CDK14: variants seen among roughly 807,000 people sequenced by gnomAD.
CDK14 encodes cyclin-dependent kinase 14.
In CDK14, 34 loss-of-function variants were observed where a neutral mutation model predicts 60.7. The ratio of observed to expected loss-of-function variants is 0.56; its 90% confidence interval spans 0.43 to 0.75. CDK14 has a LOEUF of 0.75. CDK14 is among the 30% of genes least tolerant of loss of function. The pLI is 0.00. For synonymous variants in CDK14, 197 were observed against 203.7 expected (o/e 0.97, Z 0.28); for missense variants, 482 against 564.1 (o/e 0.85, Z 1.47).
At chr7:91,157,827 C>G (rs1801029515) in intron 14 of CDK14, among the ~76,000 whole-genome samples, 1 of 152,100 alleles carries the variant, frequency 6.6e-6, no homozygotes, top group Non-Finnish European at 1.5e-5. Flanking sequence ...TAATTCCTAG[C>G]ATATAATGAA....
chr7:91,127,915 T>A (rs1007030696), intron 14 of CDK14, among the ~76,000 whole-genome samples: 2 of 152,196 alleles, frequency 1.3e-5, no homozygotes, highest in African/African-American at 4.8e-5. Context: ...TTCCAGTATT[T>A]TTACAATGTA....
chr7:90,813,076 A>G (rs1037556793), intron 5 of CDK14, among the ~76,000 whole-genome samples: 2 of 152,254 alleles, frequency 1.3e-5, no homozygotes, highest in African/African-American at 4.8e-5. Context: ...CAGCAGTAAA[A>G]AGGAGCTAAC....
rs969709914 is a variant in CDK14, at chr7:90,774,534, T to A, written c.465-16039T>A. On this transcript the variant is annotated intron_variant, in intron 4 of 14. Transcript: ENST00000380050. ...TTTTGGCTTTTCTTGATATTATTTT[T>A]AATTTCATTTTGAATATATTCAATG... Among the ~76,000 whole-genome samples, 3 of 152,242 alleles carry A rather than the reference T, an allele frequency of 2.0e-5. No homozygotes were observed. The South Asian group carries it at 6.2e-4, about 32-fold the overall frequency.
chr7:91,065,989 GA>G (rs1383649775), intron 11 of CDK14, among the ~76,000 whole-genome samples: 1 of 152,190 alleles, frequency 6.6e-6, no homozygotes, highest in Non-Finnish European at 1.5e-5. Flanking sequence ...GCAACCCCCA[GA>G]AAGGTACTGG....
At chr7:90,957,427 C>A (rs563626296) in intron 9 of CDK14, among the ~76,000 whole-genome samples, 2 of 152,178 alleles carry the variant, frequency 1.3e-5, no homozygotes, top group East Asian at 1.9e-4. Flanking sequence ...TGTTTGCAGA[C>A]GACATGATTA....
At chr7:90,925,042 C>CT (rs893833974) in intron 8 of CDK14, among the ~76,000 whole-genome samples, 90 of 151,574 alleles carry the variant, frequency 5.9e-4, no homozygotes, top group African/African-American at 2.0e-3. Flanking sequence ...GTCTGAAAAA[C>CT]TTTTTTTTTA....
intron 13 of CDK14, 64 bp downstream of exon 13, chr7:91,112,745 A>C (rs1029090442): frequency 9.0e-6 from 14 of 1,551,138 alleles, no homozygotes; most frequent in Non-Finnish European, 1.2e-5. Flanking sequence ...TGGCATCTGT[A>C]TGTAACGTGT....
rs1347920805 is a variant in CDK14, at chr7:90,997,150, C to G, written c.1041+12909C>G. On this transcript the variant is annotated intron_variant, in intron 10 of 14. Transcript: ENST00000380050. ...GGACCTCTTGGTCTCTTTGCCCAAA[C>G]TTTCTGGTGTCTCTCTTCAGTGTCT... Among the ~76,000 whole-genome samples the G allele has an allele frequency of 6.6e-5, 10 of 152,212 alleles. 1 individual carries two copies. The South Asian group carries it at 8.3e-4, about 13-fold the overall frequency.
chr7:91,178,694 A>T (rs530501769), intron 14 of CDK14, among the ~76,000 whole-genome samples: 77 of 152,060 alleles, frequency 5.1e-4, no homozygotes, highest in African/African-American at 1.8e-3. Flanking sequence ...GCAGCCAAAA[A>T]ACACATGAAA....
At chr7:90,819,006 G>A (rs987109714) in intron 5 of CDK14, among the ~76,000 whole-genome samples, 5 of 151,880 alleles carry the variant, frequency 3.3e-5, no homozygotes, top group African/African-American at 1.2e-4. Context: ...AGAAATATAT[G>A]GGCATTTTTT....
At chr7:90,628,070 T>A (rs189872403) in intron 2 of CDK14, among the ~76,000 whole-genome samples, 241 of 152,260 alleles carry the variant, frequency 1.6e-3, no homozygotes, top group African/African-American at 5.4e-3. Flanking sequence ...TCCTCCCACT[T>A]CGGCCTCCCA....
chr7:91,091,464 A>AC (rs1798816996), intron 12 of CDK14, among the ~76,000 whole-genome samples: 6 of 129,976 alleles, frequency 4.6e-5, no homozygotes, highest in Non-Finnish European at 6.5e-5. Flanking sequence ...ATTTATATAT[A>AC]ATATATATAC....
At chr7:90,710,767 G>A (rs1314399970) in intron 2 of CDK14, among the ~76,000 whole-genome samples, 1 of 152,096 alleles carries the variant, frequency 6.6e-6, no homozygotes, top group East Asian at 1.9e-4. Context: ...TGCTTGTAAA[G>A]CAGATAAAAT....
intron 14 of CDK14, among the ~76,000 whole-genome samples, chr7:91,138,883 A>G (rs1390361195): frequency 1.3e-5 from 2 of 152,170 alleles, no homozygotes; most frequent in Non-Finnish European, 1.5e-5. Context: ...CAGCAGAGAT[A>G]AGATCTCTTT....
At chr7:90,910,932 C>T (rs998111026) in intron 7 of CDK14, among the ~76,000 whole-genome samples, 1 of 152,126 alleles carries the variant, frequency 6.6e-6, no homozygotes, top group Non-Finnish European at 1.5e-5. Context: ...CTCCCTTCCC[C>T]CACCCTCCAC....
chr7:90,925,191 C>G (rs2117448133), intron 8 of CDK14, among the ~76,000 whole-genome samples: 1 of 152,200 alleles, frequency 6.6e-6, no homozygotes, highest in Middle Eastern at 3.4e-3. Context: ...ATTTGGCACT[C>G]TAGTTTTTAA....
chr7:91,023,008 G>GTA (rs199666013), intron 10 of CDK14, among the ~76,000 whole-genome samples: 88 of 44,500 alleles, frequency 2.0e-3, no homozygotes, highest in South Asian at 0.01. Context: ...AGCCTTTGAA[G>GTA]TATATATTTT....
chr7:90,649,304 CTTTCTTT>C (rs1800549168), intron 2 of CDK14, among the ~76,000 whole-genome samples: 1 of 66,398 alleles, frequency 1.5e-5, no homozygotes, highest in Non-Finnish European at 2.7e-5. Flanking sequence ...TTCTTTCTTT[CTTTCTTT>C]CCTTCCTTCC....
At chr7:91,035,937 G>A (rs1796919943) in intron 10 of CDK14, among the ~76,000 whole-genome samples, 2 of 143,048 alleles carry the variant, frequency 1.4e-5, no homozygotes, top group African/African-American at 2.6e-5. Flanking sequence ...TCTGCTTCCC[G>A]GGTTCACGCC....
Sources: gnomAD v4.1 joint callset for allele counts (sites outside exome capture counted in the v4.1 genomes callset) on GRCh38, gnomAD v4.1.1 for gene constraint, MANE v1.5 for transcripts, NCBI Gene and HGNC (gene_info 2026-07-23, HGNC 2026-07-21) for gene names.